The following MBOAT1 variants were observed in gnomAD, a reference collection of about 807,000 sequenced individuals.
MBOAT1 encodes membrane-bound glycerophospholipid O-acyltransferase 1.
A neutral mutation model predicts 64.4 loss-of-function variants in MBOAT1; 67 were observed. The observed-to-expected ratio is 1.04, with a 90% CI of 0.85 to 1.27. The LOEUF (loss-of-function observed/expected upper bound fraction) is 1.27, where lower values mean the gene tolerates loss of function less well. Ranked by LOEUF, MBOAT1 falls within the 50% of genes most tolerant of loss-of-function variation. The pLI is 0.00. For missense variants in MBOAT1, 563 were observed against 604.6 expected, an observed-to-expected ratio of 0.93 and a Z score of 0.72; for synonymous variants, 229 against 218.9, an observed-to-expected ratio of 1.05 and a Z score of -0.41.
intron 1 of MBOAT1, among the ~76,000 whole-genome samples, chr6:20,204,948 G>A (rs900068470): frequency 1.3e-4 from 20 of 152,270 alleles, no homozygotes; most frequent in Admixed American, 1.0e-3. Context: ...TATAATCCCC[G>A]CATTTTGGGA....
chr6:20,119,998 TGTGTGTGC>T (rs1554116204), intron 8 of MBOAT1, among the ~76,000 whole-genome samples: 1 of 54,322 alleles, frequency 1.8e-5, no homozygotes, highest in African/African-American at 5.7e-5. Context: ...TCTGTGTGTG[TGTGTGTGC>T]GTGTGTGTGT....
chr6:20,176,791 T>TGGTGTATTAG (rs1202727982), intron 1 of MBOAT1, among the ~76,000 whole-genome samples: 53 of 152,040 alleles, frequency 3.5e-4, no homozygotes, highest in African/African-American at 1.2e-3. Context: ...GCCCAGCTAG[T>TGGTGTATTAG]TTTTGTATTT....
chr6:20,133,477 C>T (rs1316845005), intron 4 of MBOAT1, among the ~76,000 whole-genome samples: 1 of 152,280 alleles, frequency 6.6e-6, no homozygotes, highest in Admixed American at 6.5e-5. Flanking sequence ...GAGATTCACT[C>T]GAAGCATCAC....
intron 4 of MBOAT1, among the ~76,000 whole-genome samples, chr6:20,132,509 G>C: frequency 6.6e-6 from 1 of 152,198 alleles, no homozygotes; most frequent in Non-Finnish European, 1.5e-5. Flanking sequence ...ATGAGGGGAA[G>C]AAGAGTCTTT....
chr6:20,211,958 C>G, intron 1 of MBOAT1, 178 bp downstream of exon 1: 1 of 525,638 alleles, frequency 1.9e-6, no homozygotes, highest in South Asian at 2.5e-5. Flanking sequence ...AACACCAACT[C>G]AAGAAGGGAA....
At chr6:20,139,834 C>T (rs1162560503) in intron 4 of MBOAT1, among the ~76,000 whole-genome samples, 1 of 152,150 alleles carries the variant, frequency 6.6e-6, no homozygotes, top group Non-Finnish European at 1.5e-5. Context: ...AGATTACAAG[C>T]ATGAGTCACC....
chr6:20,135,269 A>G (rs554144186), intron 4 of MBOAT1, among the ~76,000 whole-genome samples: 1 of 152,216 alleles, frequency 6.6e-6, no homozygotes, highest in South Asian at 2.1e-4. Context: ...AACTAAGATC[A>G]TTAGTCAAGA....
chr6:20,190,199 T>C (rs904237238), intron 1 of MBOAT1, among the ~76,000 whole-genome samples: 1 of 152,150 alleles, frequency 6.6e-6, no homozygotes, highest in African/African-American at 2.4e-5. Flanking sequence ...TCCACTATGT[T>C]GGCCAGGCTG....
chr6:20,208,170 G>A (rs1022357318), intron 1 of MBOAT1, among the ~76,000 whole-genome samples: 2 of 152,088 alleles, frequency 1.3e-5, no homozygotes, highest in African/African-American at 4.8e-5. Flanking sequence ...GTAGTCGGCC[G>A]GGCGTGGTGG....
At chr6:20,105,074 C>T (rs554688107) in intron 12 of MBOAT1, among the ~76,000 whole-genome samples, 2 of 152,166 alleles carry the variant, frequency 1.3e-5, no homozygotes, top group African/African-American at 4.8e-5. Context: ...CAGATAAACA[C>T]GGTGATTTAA....
chr6:20,181,224 C>T (rs1561778855), intron 1 of MBOAT1, among the ~76,000 whole-genome samples: 1 of 152,322 alleles, frequency 6.6e-6, no homozygotes, highest in Middle Eastern at 3.4e-3. Flanking sequence ...CCAGGTTCCA[C>T]ACTAAGATGA....
chr6:20,171,382 T>TAAAAAAA (rs34821586), intron 1 of MBOAT1, among the ~76,000 whole-genome samples: 5 of 113,314 alleles, frequency 4.4e-5, no homozygotes, highest in African/African-American at 1.7e-4. Flanking sequence ...ACAAAAAACT[T>TAAAAAAA]AAAAAAAAAA....
chr6:20,102,950 G>A (rs1759844957), intron 12 of MBOAT1, among the ~76,000 whole-genome samples: 1 of 152,156 alleles, frequency 6.6e-6, no homozygotes, highest in African/African-American at 2.4e-5. Flanking sequence ...ACAATAGTAT[G>A]CTGCCAGTTG....
At chr6:20,208,655 T>C (rs535454348) in intron 1 of MBOAT1, among the ~76,000 whole-genome samples, 12 of 152,200 alleles carry the variant, frequency 7.9e-5, no homozygotes, top group African/African-American at 2.9e-4. Context: ...CCTGGTCTAT[T>C]TTCCCCTTGC....
chr6:20,125,935 A>G (rs924316786), intron 7 of MBOAT1: 1 of 419,086 alleles, frequency 2.4e-6, no homozygotes, highest in Non-Finnish European at 4.6e-6. Context: ...ACCTGAATAA[A>G]TTGAGCATAT....
chr6:20,160,392 CAGT>C (rs1761815090), intron 1 of MBOAT1, among the ~76,000 whole-genome samples: 1 of 152,152 alleles, frequency 6.6e-6, no homozygotes, highest in Non-Finnish European at 1.5e-5. Flanking sequence ...AGTGGTTTAC[CAGT>C]GGCTCACCAA....
chr6:20,192,701 T>C (rs1406513135), intron 1 of MBOAT1, among the ~76,000 whole-genome samples: 5 of 152,202 alleles, frequency 3.3e-5, no homozygotes, highest in African/African-American at 1.2e-4. Context: ...TTTCCCACGC[T>C]TCCCCAACCT....
chr6:20,156,037 G>A (rs1356701061), intron 1 of MBOAT1, among the ~76,000 whole-genome samples: 1 of 152,060 alleles, frequency 6.6e-6, no homozygotes, highest in Admixed American at 6.6e-5. Context: ...GGGAGGCCGA[G>A]GCGGGCAGAT....
intron 1 of MBOAT1, among the ~76,000 whole-genome samples, chr6:20,189,105 C>G (rs1762734353): frequency 6.6e-6 from 1 of 152,144 alleles, no homozygotes; most frequent in Non-Finnish European, 1.5e-5. Flanking sequence ...ATCACCTTTT[C>G]AGAATCAGTG....
Sources: gnomAD v4.1 joint callset for allele counts (sites outside exome capture counted in the v4.1 genomes callset) on GRCh38, gnomAD v4.1.1 for gene constraint, MANE v1.5 for transcripts, NCBI Gene and HGNC (gene_info 2026-07-23, HGNC 2026-07-21) for gene names.